The following ILRUN variants were observed in gnomAD, a reference collection of about 807,000 sequenced individuals.
ILRUN encodes protein ILRUN.
In ILRUN, 3 loss-of-function variants were observed where a neutral mutation model predicts 33.8. The observed-to-expected ratio is 0.09, with a 90% CI of 0.04 to 0.23. ILRUN has a LOEUF of 0.23. ILRUN is among the 10% of genes least tolerant of loss of function. The pLI is 1.00. For missense variants in ILRUN, 210 were observed against 375.1 expected (o/e 0.56, Z 3.64); for synonymous variants, 124 against 138.9 (o/e 0.89, Z 0.75).
chr6:34,614,914 T>C (rs1351328514), intron 3 of ILRUN, among the ~76,000 whole-genome samples: 1 of 152,128 alleles, frequency 6.6e-6, no homozygotes, highest in Non-Finnish European at 1.5e-5. Context: ...TGTCATTCTA[T>C]AGGATACTTG....
chr6:34,682,392 G>C (rs1763386253), intron 1 of ILRUN, among the ~76,000 whole-genome samples: 1 of 151,620 alleles, frequency 6.6e-6, no homozygotes, highest in South Asian at 2.1e-4. Flanking sequence ...TGAGTAGCTG[G>C]GACTACAGGC....
chr6:34,601,710 C>CCG (rs1554182773), intron 4 of ILRUN, among the ~76,000 whole-genome samples: 3 of 148,162 alleles, frequency 2.0e-5, no homozygotes, highest in East Asian at 1.9e-4. Context: ...TACCCGCCCC[C>CCG]CCAACTACTG....
chr6:34,638,461 C>T (rs1218713294), intron 3 of ILRUN, among the ~76,000 whole-genome samples: 1 of 152,058 alleles, frequency 6.6e-6, no homozygotes, highest in Non-Finnish European at 1.5e-5. Flanking sequence ...TGCCTGTAAT[C>T]CCAGCACTTT....
At chr6:34,626,102 G>A (rs543933718) in intron 3 of ILRUN, among the ~76,000 whole-genome samples, 12 of 152,206 alleles carry the variant, frequency 7.9e-5, no homozygotes, top group South Asian at 2.1e-4. Context: ...CGCCTGGGTC[G>A]GCCTCCCGAA....
At chr6:34,612,248 C>T (rs547228173) in intron 3 of ILRUN, among the ~76,000 whole-genome samples, 25 of 152,106 alleles carry the variant, frequency 1.6e-4, no homozygotes, top group Admixed American at 9.8e-4. Flanking sequence ...TAGGCAACAA[C>T]GGTGAAACAC....
chr6:34,606,758 G>T lies in ILRUN; in HGVS notation c.658C>A (p.Arg220=). Residue 220 remains arginine, a synonymous_variant, in exon 4 of 5, where the codon CGA becomes AGA. Transcript: ENST00000374023. ...FNPFASPQKN[R]QSDENNLKDP... is the part of the protein sequence containing the mutation. ...TTTAAGTTGTTTTCATCTGATTGTC[G>T]GTTCTTTTGGGGAGAGGCAAAAGGG... The T allele has an allele frequency of 6.2e-7, 1 of 1,614,070 alleles. No homozygotes were observed. The highest frequency in any genetic ancestry group is 2.2e-5 in the East Asian group (1 of 44,878).
At chr6:34,675,963 T>C (rs966521628) in intron 1 of ILRUN, among the ~76,000 whole-genome samples, 9 of 152,160 alleles carry the variant, frequency 5.9e-5, no homozygotes, top group African/African-American at 1.9e-4. Context: ...GTTAAGAGTG[T>C]AGCAAAACTC....
At chr6:34,659,507 A>G (rs1762844515) in intron 1 of ILRUN, among the ~76,000 whole-genome samples, 1 of 152,116 alleles carries the variant, frequency 6.6e-6, no homozygotes, top group African/African-American at 2.4e-5. Flanking sequence ...TATGAATTCT[A>G]TAAATGAATT....
intron 3 of ILRUN, among the ~76,000 whole-genome samples, chr6:34,645,663 T>C (rs1196103288): frequency 6.6e-6 from 1 of 152,186 alleles, no homozygotes; most frequent in African/African-American, 2.4e-5. Context: ...TGTGCCACCA[T>C]GCCCAGCAGA....
At chr6:34,639,133 G>GATA (rs1762420973) in intron 3 of ILRUN, among the ~76,000 whole-genome samples, 1 of 152,178 alleles carries the variant, frequency 6.6e-6, no homozygotes, top group South Asian at 2.1e-4. Context: ...AGTTTACATA[G>GATA]AGCACCCAAT....
intron 1 of ILRUN, among the ~76,000 whole-genome samples, chr6:34,679,092 T>C (rs1763302845): frequency 2.0e-5 from 3 of 150,824 alleles, no homozygotes; most frequent in Middle Eastern, 3.4e-3. Context: ...GACCCGCAAT[T>C]TATCCATATA....
chr6:34,671,357 G>C (rs1378561594), intron 1 of ILRUN, among the ~76,000 whole-genome samples: 1 of 152,338 alleles, frequency 6.6e-6, no homozygotes, highest in East Asian at 1.9e-4. Flanking sequence ...CTGCGCTCAA[G>C]CCTGGGTGAG....
chr6:34,658,347 C>CAA (rs35618991), intron 1 of ILRUN, among the ~76,000 whole-genome samples: 3,895 of 105,154 alleles, frequency 0.037, 189 homozygotes, highest in African/African-American at 0.12. Flanking sequence ...GACTCTGTCT[C>CAA]AAAAAAAAAA....
intron 3 of ILRUN, among the ~76,000 whole-genome samples, chr6:34,612,838 C>A (rs1284997373): frequency 6.6e-6 from 1 of 152,100 alleles, no homozygotes; most frequent in Non-Finnish European, 1.5e-5. Context: ...GTCAGGAGAT[C>A]AAGACCATCC....
chr6:34,610,692 A>C (rs1761729991), intron 3 of ILRUN, among the ~76,000 whole-genome samples: 1 of 152,228 alleles, frequency 6.6e-6, no homozygotes. Context: ...CAGATAAGGG[A>C]TACTCAACCT....
At chr6:34,654,052 TTC>T (rs889980390) in intron 2 of ILRUN, among the ~76,000 whole-genome samples, 42 of 151,844 alleles carry the variant, frequency 2.8e-4, no homozygotes, top group African/African-American at 8.7e-4. Context: ...AACCAACAAT[TTC>T]TCTGTCTCCC....
At chr6:34,694,912 G>A (rs888868466) in intron 1 of ILRUN, among the ~76,000 whole-genome samples, 4 of 152,068 alleles carry the variant, frequency 2.6e-5, no homozygotes, top group Non-Finnish European at 5.9e-5. Flanking sequence ...TTAGCCGGGC[G>A]AGGTGGTGTG....
intron 4 of ILRUN, among the ~76,000 whole-genome samples, chr6:34,606,141 T>C (rs1761623969): frequency 6.6e-6 from 1 of 152,146 alleles, no homozygotes; most frequent in Non-Finnish European, 1.5e-5. Context: ...CTCTGGGTCA[T>C]GGATAAGGAA....
intron 1 of ILRUN, among the ~76,000 whole-genome samples, chr6:34,668,027 T>C (rs1763039472): frequency 6.6e-6 from 1 of 152,210 alleles, no homozygotes; most frequent in South Asian, 2.1e-4. Context: ...ACTGTAGTCA[T>C]GTAGAATGAT....
Sources: allele counts gnomAD v4.1 joint callset (sites outside exome capture counted in the v4.1 genomes callset), GRCh38; gene constraint gnomAD v4.1.1; transcripts MANE v1.5; gene names NCBI Gene and HGNC (gene_info 2026-07-23, HGNC 2026-07-21).